The following C8orf74 variants were observed in gnomAD, a reference collection of about 807,000 sequenced individuals.
C8orf74 encodes the protein uncharacterized protein C8orf74.
C8orf74 carries 29 observed loss-of-function variants against 22.2 expected under a neutral mutation model. The ratio of observed to expected loss-of-function variants is 1.31; its 90% CI spans 0.97 to 1.78. C8orf74 has a LOEUF of 1.78. C8orf74 is among the 40% of genes most tolerant of loss of function. C8orf74 has a pLI of 0.00. For synonymous variants in C8orf74, 255 were observed against 163.1 expected, an observed-to-expected ratio of 1.56 and a Z score of -4.30; for missense variants, 515 against 369.9, an observed-to-expected ratio of 1.39 and a Z score of -3.22.
intron 2 of C8orf74, among the ~76,000 whole-genome samples, chr8:10,678,592 TAAA>T (rs60385154): frequency 8.4e-5 from 11 of 130,976 alleles, no homozygotes; most frequent in Admixed American, 1.5e-4. Context: ...GGAAGTAATT[TAAA>T]AAAAAAAAAA....
At chr8:10,674,940 C>A (rs1799002361) in intron 2 of C8orf74, 102 bp downstream of exon 2, 1 of 991,612 alleles carries the variant, frequency 1.0e-6, no homozygotes, top group Non-Finnish European at 1.5e-6. Context: ...TTGGAGGAGC[C>A]AGGGCCCCTT....
intron 2 of C8orf74, chr8:10,692,796 A>G (rs1352078838): frequency 6.6e-6 from 1 of 151,966 alleles, no homozygotes; most frequent in Non-Finnish European, 1.5e-5. Flanking sequence ...CCTTGTGTCC[A>G]TTCAAGAAGT....
At chr8:10,684,278 T>A (rs1799215742) in intron 2 of C8orf74, among the ~76,000 whole-genome samples, 1 of 152,240 alleles carries the variant, frequency 6.6e-6, no homozygotes. Flanking sequence ...ACTTTCTGGC[T>A]GCAGAGCCTG....
At chr8:10,675,056 A>C (rs1298386636) in intron 2 of C8orf74, among the ~76,000 whole-genome samples, 1 of 152,134 alleles carries the variant, frequency 6.6e-6, no homozygotes, top group Non-Finnish European at 1.5e-5. Flanking sequence ...CCTGACTGCA[A>C]ATCTGAACCA....
chr8:10,700,389 C>A lies in C8orf74; in HGVS notation c.803C>A (p.Pro268His). 6.2e-7 allele frequency: 1 copy of A among 1,613,230 alleles called. No individual in the cohort carries two copies. ...AACGCCCCCACCCCTATCCCGCCCCCCATCACCAGCCACGCAGGCCAGGAG... is the reference window on the plus strand; with the variant it reads ...AACGCCCCCACCCCTATCCCGCCCCACATCACCAGCCACGCAGGCCAGGAG... ...NLNAPTPIPP[P>H]ITSHAGQEEA... is the part of the protein sequence containing the mutation. The change falls in exon 4 of 4, where the codon CCC becomes CAC. Residue 268 changes from proline (P) to histidine (H), a missense_variant. Physicochemically the swap from Pro to His is moderately conservative, Grantham distance 77 (BLOSUM62 -2). Transcript: ENST00000304519.
At chr8:10,682,397 T>C (rs1240986277) in intron 2 of C8orf74, among the ~76,000 whole-genome samples, 1 of 152,186 alleles carries the variant, frequency 6.6e-6, no homozygotes, top group Non-Finnish European at 1.5e-5. Flanking sequence ...CAAACATTTA[T>C]TTCCTCATAG....
At chr8:10,677,204 C>G (rs530401131) in intron 2 of C8orf74, among the ~76,000 whole-genome samples, 3 of 152,278 alleles carry the variant, frequency 2.0e-5, no homozygotes, top group Middle Eastern at 3.4e-3. Context: ...TACATGACCA[C>G]ACTCATCATT....
chr8:10,681,243 T>C (rs555002276), intron 2 of C8orf74, among the ~76,000 whole-genome samples: 1 of 152,074 alleles, frequency 6.6e-6, no homozygotes, highest in Admixed American at 6.6e-5. Flanking sequence ...GACGTTCTGC[T>C]CTCCACACCA....
intron 1 of C8orf74, 73 bp downstream of exon 1, chr8:10,672,786 A>G: frequency 7.2e-7 from 1 of 1,397,446 alleles, no homozygotes; most frequent in East Asian, 2.5e-5. Flanking sequence ...TGGGCACTGG[A>G]AGCGCCTCTT....
Position 10,697,969 on chromosome 8 carries a change from C to A in C8orf74, c.612C>A (p.Ala204=). 1 of 1,523,098 alleles carries A rather than the reference C, an allele frequency of 6.6e-7. No homozygotes were observed. Among genetic ancestry groups the A allele is most frequent in the Non-Finnish European group, 8.8e-7 (1 of 1,138,168 alleles). The allele number at this position is 1,523,098 out of a possible 1,614,324, so 94.3% of individuals were successfully genotyped here. The change falls in exon 3 of 4, where the codon GCC becomes GCA. Residue 204 remains alanine, a synonymous_variant. Transcript: ENST00000304519. ...CGCTGCAGAAGGCGTTCGCTGCCGC[C>A]GCGCCTGCGCAGCCCGGCCAGGTCC... ...ENSLQKAFAA[A]APAQPGQVLE...
chr8:10,693,912 G>A (rs543998951), intron 2 of C8orf74, among the ~76,000 whole-genome samples: 1 of 152,290 alleles, frequency 6.6e-6, no homozygotes, highest in South Asian at 2.1e-4. Flanking sequence ...ACCTCTCCAT[G>A]CAGCTCTTGC....
At chr8:10,681,439 C>T (rs1799146099) in intron 2 of C8orf74, among the ~76,000 whole-genome samples, 1 of 152,156 alleles carries the variant, frequency 6.6e-6, no homozygotes, top group Non-Finnish European at 1.5e-5. Context: ...CACAGTTTGC[C>T]AGCCTTATCT....
At chr8:10,693,992 C>T (rs1444442277) in intron 2 of C8orf74, among the ~76,000 whole-genome samples, 1 of 152,238 alleles carries the variant, frequency 6.6e-6, no homozygotes, top group Non-Finnish European at 1.5e-5. Context: ...GGCCAGGCTG[C>T]TGCCTGCTCC....
At chr8:10,698,812 G>A (rs963739982) in intron 3 of C8orf74, among the ~76,000 whole-genome samples, 1 of 151,946 alleles carries the variant, frequency 6.6e-6, no homozygotes, top group Non-Finnish European at 1.5e-5. Flanking sequence ...GAGTTGCAGG[G>A]CCTGTGAGTT....
intron 2 of C8orf74, among the ~76,000 whole-genome samples, chr8:10,697,173 T>C (rs993605338): frequency 6.6e-6 from 1 of 152,150 alleles, no homozygotes; most frequent in African/African-American, 2.4e-5. Context: ...GCATGGTGGC[T>C]CACACCTGTA....
intron 2 of C8orf74, among the ~76,000 whole-genome samples, chr8:10,687,684 G>C (rs1799290068): frequency 6.6e-6 from 1 of 150,548 alleles, no homozygotes; most frequent in African/African-American, 2.4e-5. Context: ...AAAAGATTCT[G>C]CTTTTAAACA....
At chr8:10,697,034 T>G (rs557445102) in intron 2 of C8orf74, among the ~76,000 whole-genome samples, 1 of 151,606 alleles carries the variant, frequency 6.6e-6, no homozygotes, top group African/African-American at 2.4e-5. Flanking sequence ...ATTTACATGA[T>G]TATACTGGGG....
intron 2 of C8orf74, among the ~76,000 whole-genome samples, chr8:10,678,944 G>C (rs953562609): frequency 2.0e-5 from 3 of 152,206 alleles, no homozygotes; most frequent in African/African-American, 7.2e-5. Flanking sequence ...GTGAGAGCGA[G>C]AACAAGCCCT....
chr8:10,689,912 C>T (rs137939605), intron 2 of C8orf74, among the ~76,000 whole-genome samples: 191 of 152,064 alleles, frequency 1.3e-3, no homozygotes, highest in African/African-American at 4.4e-3. Flanking sequence ...GGGGGTGGCA[C>T]AGGAAGAAAA....
Sources: gnomAD v4.1 joint callset for allele counts (sites outside exome capture counted in the v4.1 genomes callset) on GRCh38, gnomAD v4.1.1 for gene constraint, MANE v1.5 for transcripts, NCBI Gene and HGNC (gene_info 2026-07-23, HGNC 2026-07-21) for gene names.